The following PSAP variants were observed in gnomAD, a reference collection of about 807,000 sequenced individuals.
The protein encoded by PSAP is precursor of saposins.
PSAP carries 25 observed loss-of-function variants against 66.0 expected under a neutral mutation model. The observed-to-expected ratio is 0.38, with a 90% CI of 0.28 to 0.53. PSAP has a LOEUF of 0.53. Ranked by LOEUF, PSAP falls within the 20% of genes least tolerant of loss-of-function variation. The probability of loss-of-function intolerance (pLI) is 0.83; values close to 1 mark genes in which losing one functional copy is unlikely to be tolerated. For synonymous variants in PSAP, 273 were observed against 258.9 expected (o/e 1.05, Z -0.52); for missense variants, 649 against 668.8 (o/e 0.97, Z 0.33).
rs77322445 is a variant in PSAP at position 71,828,436 on chromosome 10, G to A, written c.577-279C>T. 0.015 allele frequency among the ~76,000 whole-genome samples: 2,285 copies of A among 152,230 alleles called. 55 individuals are homozygous for A. Among genetic ancestry groups the A allele is most frequent in the African/African-American group, 0.053 (2,192 of 41,534 alleles). ...TTTGGGAAGCCGAGGCAGGCAGATC[G>A]CTTGAACCCAGGAGTTTGAGACCAG... On this transcript the variant is annotated intron_variant, in intron 5 of 13. Coordinates refer to ENST00000394936, the MANE Select transcript of PSAP (RefSeq NM_002778.4).
rs1842856989 is a variant in PSAP at position 71,848,232 on chromosome 10, G to GC, written c.40+2949dup. 3.3e-5 allele frequency among the ~76,000 whole-genome samples: 5 copies of GC among 152,240 alleles called. No homozygotes were observed. The South Asian group carries it at 1.0e-3, about 31-fold the overall frequency. On this transcript the variant is annotated intron_variant, in intron 1 of 13. Coordinates refer to ENST00000394936, the MANE Select transcript of PSAP (RefSeq NM_002778.4). ...TGAACAGGGGCCTCTGGATGCTACTGCACTGCTCCCCAACCTCGGGGGCTG... is the reference window on the plus strand; with the variant it reads ...TGAACAGGGGCCTCTGGATGCTACTGCCACTGCTCCCCAACCTCGGGGGCTG...
In PSAP at chr10:71,831,836, C is replaced by T. The variant is rs1454831195; in HGVS notation, c.249+10G>A. The T allele has an allele frequency of 6.8e-6, 11 of 1,613,582 alleles. No homozygotes were observed. The highest frequency in any genetic ancestry group is 4.4e-5 in the South Asian group (4 of 91,078). On this transcript the variant is annotated intron_variant, in intron 3 of 13. Transcript: ENST00000394936. Reference sequence around the variant, plus strand: ...TGGCTCAAGCACCATCCCCACTCACCGCCGCTCACCTCAGTGGCATTGTCC... The same window carrying T: ...TGGCTCAAGCACCATCCCCACTCACTGCCGCTCACCTCAGTGGCATTGTCC...
At chr10:71,822,639 CTAGA>C (rs1263809608) in intron 7 of PSAP, 2 of 472,182 alleles carry the variant, frequency 4.2e-6, no homozygotes, top group Non-Finnish European at 8.8e-6. Context: ...ACACAGAGCA[CTAGA>C]TAGTCTAGAC....
intron 1 of PSAP, among the ~76,000 whole-genome samples, chr10:71,850,122 A>G (rs1405150428): frequency 2.0e-5 from 3 of 152,184 alleles, no homozygotes; most frequent in African/African-American, 4.8e-5. Flanking sequence ...ATTGCCCTGC[A>G]AAGTCTCTTG....
At chr10:71,839,187 A>G (rs1564824625) in intron 1 of PSAP, among the ~76,000 whole-genome samples, 2 of 55,754 alleles carry the variant, frequency 3.6e-5, no homozygotes, top group Non-Finnish European at 1.3e-4. Context: ...GGGCAAATTG[A>G]GCACTTCACT....
At chr10:71,836,515 G>A (rs1842631777) in intron 1 of PSAP, among the ~76,000 whole-genome samples, 1 of 152,092 alleles carries the variant, frequency 6.6e-6, no homozygotes, top group Non-Finnish European at 1.5e-5. Context: ...ATGACACCAT[G>A]ATACACTGCC....
chr10:71,823,476 C>G (rs889361158), intron 7 of PSAP, among the ~76,000 whole-genome samples: 1 of 152,202 alleles, frequency 6.6e-6, no homozygotes, highest in Non-Finnish European at 1.5e-5. Context: ...TGCCTACTTG[C>G]GTTGTGACAG....
chr10:71,831,252 C>G lies in PSAP; in HGVS notation c.250-1G>C. ...TCTCCAAGTAAACAAGGATCTCCTC[C>G]TACGAGAGGACACCAGGGTCAGAAT... On this transcript the variant is annotated splice_acceptor_variant, in intron 3 of 13. Coordinates refer to ENST00000394936, the MANE Select transcript of PSAP (RefSeq NM_002778.4). LOFTEE classifies it high-confidence loss of function. 1 of 1,613,750 alleles carries G rather than the reference C, an allele frequency of 6.2e-7. No individual in the cohort carries two copies. Among genetic ancestry groups the G allele is most frequent in the Non-Finnish European group, 8.5e-7 (1 of 1,179,854 alleles).
At chr10:71,826,326 A>C (rs1842399100) in intron 6 of PSAP, among the ~76,000 whole-genome samples, 1 of 152,220 alleles carries the variant, frequency 6.6e-6, no homozygotes, top group Non-Finnish European at 1.5e-5. Context: ...AGTAGAGTCA[A>C]GTTATAATGA....
intron 7 of PSAP, among the ~76,000 whole-genome samples, chr10:71,825,209 AG>A (rs1842379190): frequency 1.3e-5 from 2 of 152,344 alleles, no homozygotes; most frequent in Non-Finnish European, 2.9e-5. Flanking sequence ...CATGACAGAC[AG>A]GGAAAAGGTG....
intron 13 of PSAP, among the ~76,000 whole-genome samples, chr10:71,817,770 C>A (rs2133026855): frequency 6.6e-6 from 1 of 152,348 alleles, no homozygotes; most frequent in Non-Finnish European, 1.5e-5. Context: ...CTGCACCCGG[C>A]ACCCAGCGTC....
intron 4 of PSAP, 47 bp downstream of exon 4, chr10:71,831,079 G>A (rs564084362): frequency 9.3e-6 from 15 of 1,611,330 alleles, no homozygotes; most frequent in Admixed American, 1.7e-5. Flanking sequence ...TGCCTCTCCT[G>A]GGCCCCAGAA....
At position 71,842,451 on chromosome 10, in the gene PSAP, A is replaced by G. The variant is rs1410729210; in HGVS notation, c.41-7946T>C. ...TTTTTAAACACTGACAGTTTAACTT[A>G]TAAGATGTTAAATATTGATAGATAC... On this transcript the variant is annotated intron_variant, in intron 1 of 13. Transcript: ENST00000394936. Among the ~76,000 whole-genome samples the G allele has an allele frequency of 2.6e-5, 4 of 152,256 alleles. No homozygotes were observed. In the East Asian group the frequency reaches 5.8e-4, roughly 22 times the overall value.
intron 1 of PSAP, among the ~76,000 whole-genome samples, chr10:71,849,204 G>C (rs946155740): frequency 6.6e-6 from 1 of 152,214 alleles, no homozygotes; most frequent in African/African-American, 2.4e-5. Context: ...ATAAGCTTGA[G>C]TATAAAATCA....
chr10:71,819,550 T>C lies in PSAP; in HGVS notation c.1265A>G (p.Asn422Ser). The change falls in exon 11 of 14, where the codon AAC (asparagine) becomes AGC (serine). Residue 422 changes from asparagine to serine, a missense_variant. Transcript: ENST00000394936. ...CKKLVGYLDR[N>S]LEKNSTKQEI... ...CTGCTTGGTGCTGTTTTTCTCCAGG[T>C]TGCGATCCAAATAACCCACCAGCTT... The C allele has an allele frequency of 6.2e-7, 1 of 1,614,220 alleles. No individual in the cohort carries two copies. The highest frequency in any genetic ancestry group is 1.1e-5 in the South Asian group (1 of 91,090).
chr10:71,848,358 A>G (rs1842859457), intron 1 of PSAP, among the ~76,000 whole-genome samples: 1 of 152,360 alleles, frequency 6.6e-6, no homozygotes, highest in African/African-American at 2.4e-5. Flanking sequence ...ACAGAGGGAT[A>G]TGGAAAAAGC....
chr10:71,829,059 ACACCTCCC>A lies in PSAP; in HGVS notation c.386_393del (p.Gly129ValfsTer27). Reference sequence around the variant, plus strand: ...GACTCGCAGAGGTTGAGAGCAGAGCACACCTCCCCAGGACGGCTCTGGTGGGATGGAAA... The same window carrying A: ...GACTCGCAGAGGTTGAGAGCAGAGCACAGGACGGCTCTGGTGGGATGGAAA... On this transcript the variant is annotated frameshift_variant, in exon 5 of 14. Coordinates refer to ENST00000394936, the MANE Select transcript of PSAP (RefSeq NM_002778.4). LOFTEE classifies it high-confidence loss of function. The A allele has an allele frequency of 6.2e-7, 1 of 1,614,022 alleles. No homozygotes were observed. The highest frequency in any genetic ancestry group is 8.5e-7 in the Non-Finnish European group (1 of 1,179,976).
chr10:71,825,311 G>A (rs1025801685), intron 7 of PSAP, among the ~76,000 whole-genome samples: 1 of 152,180 alleles, frequency 6.6e-6, no homozygotes, highest in Non-Finnish European at 1.5e-5. Context: ...GTGGACTAGC[G>A]AGCTCATTTC....
Position 71,819,452 on chromosome 10 carries a change from G to C in PSAP, c.1350+13C>G. 3 of 1,613,890 alleles carry C rather than the reference G, an allele frequency of 1.9e-6. No individual in the cohort carries two copies. Among genetic ancestry groups the C allele is most frequent in the Non-Finnish European group, 2.5e-6 (3 of 1,180,032 alleles). ...TGCCATGCTGGCCTACCGCAGCCCA[G>C]CCCGGGGCGTACCTGCTTCTGGTAA... On this transcript the variant is annotated intron_variant, in intron 11 of 13. Transcript: ENST00000394936.
Sources: allele counts gnomAD v4.1 joint callset (sites outside exome capture counted in the v4.1 genomes callset), GRCh38; gene constraint gnomAD v4.1.1; transcripts MANE v1.5; gene names NCBI Gene and HGNC (gene_info 2026-07-23, HGNC 2026-07-21).